Variants in CDH6 observed in about 807,000 individuals in gnomAD.
The protein encoded by CDH6 is cadherin-6.
In CDH6, 31 loss-of-function variants were observed where a neutral mutation model predicts 78.0. The observed-to-expected ratio is 0.40, with a 90% CI of 0.30 to 0.54. The LOEUF (loss-of-function observed/expected upper bound fraction) is 0.54, where lower values mean the gene tolerates loss of function less well. CDH6 is among the 20% of genes least tolerant of loss of function. The pLI, the probability that CDH6 is intolerant of heterozygous loss-of-function variation, is 0.56. For synonymous variants in CDH6, 376 were observed against 368.8 expected (o/e 1.02, Z -0.23); for missense variants, 724 against 975.9 (o/e 0.74, Z 3.44).
chr5:31,293,399 A>G (rs1737472835), intron 2 of CDH6, among the ~76,000 whole-genome samples: 5 of 152,140 alleles, frequency 3.3e-5, no homozygotes, highest in Admixed American at 3.3e-4. Context: ...TTCCCAGAAA[A>G]AAATGATTAT....
intron 2 of CDH6, among the ~76,000 whole-genome samples, chr5:31,287,022 A>G (rs550687467): frequency 6.6e-6 from 1 of 152,236 alleles, no homozygotes; most frequent in African/African-American, 2.4e-5. Flanking sequence ...TGATGAGGTC[A>G]ATATTGGATG....
At chr5:31,203,782 C>T (rs1051840761) in intron 1 of CDH6, among the ~76,000 whole-genome samples, 1 of 151,474 alleles carries the variant, frequency 6.6e-6, no homozygotes, top group African/African-American at 2.4e-5. Flanking sequence ...ATGGCTGGGT[C>T]AAATGGTATT....
At chr5:31,272,487 A>G (rs1742554837) in intron 2 of CDH6, among the ~76,000 whole-genome samples, 1 of 152,220 alleles carries the variant, frequency 6.6e-6, no homozygotes, top group African/African-American at 2.4e-5. Context: ...TTTCTTGATG[A>G]TGATTGGTAT....
At chr5:31,240,769 G>A (rs768483738) in intron 1 of CDH6, among the ~76,000 whole-genome samples, 16 of 152,170 alleles carry the variant, frequency 1.1e-4, no homozygotes, top group East Asian at 3.9e-4. Context: ...GAAAATGGGC[G>A]TGTCATGATA....
In CDH6 at chr5:31,254,349, A is replaced by C. The variant is rs898688545; in HGVS notation, c.-128-12997A>C. Among the ~76,000 whole-genome samples the C allele has an allele frequency of 4.6e-5, 7 of 152,346 alleles. No homozygotes were observed. In the South Asian group the frequency reaches 1.4e-3, roughly 32 times the overall value. ...TTCTCCACTTAATAAGGAAAGAAAA[A>C]AAATTGTATGCCGAGGTTGCTAAGA... On this transcript the variant is annotated intron_variant, in intron 1 of 11. Coordinates refer to ENST00000265071, the MANE Select transcript of CDH6 (RefSeq NM_004932.4).
At chr5:31,311,737 A>G (rs1738162233) in intron 7 of CDH6, among the ~76,000 whole-genome samples, 1 of 152,216 alleles carries the variant, frequency 6.6e-6, no homozygotes, top group South Asian at 2.1e-4. Context: ...CTTTTAAACC[A>G]TCAGATCTCA....
chr5:31,305,233 T>C lies in CDH6; in HGVS notation c.1059T>C (p.Tyr353=), dbSNP rs1737951241. 4 of 1,613,998 alleles carry C rather than the reference T, an allele frequency of 2.5e-6. No homozygotes were observed. Among genetic ancestry groups the C allele is most frequent in the Non-Finnish European group, 3.4e-6 (4 of 1,180,004 alleles). Residue 353 remains tyrosine, a synonymous_variant, in exon 7 of 12, where the codon TAT becomes TAC. Transcript: ENST00000265071. ...YTLKVEASNP[Y]VEPRFLYLGP... ...TTAAAGTGGAAGCCTCCAATCCTTA[T>C]GTTGAGCCACGATTTCTCTACTTGG...
rs1738673333 is a variant in CDH6 at position 31,328,923 on chromosome 5, ACCTTT to A, written c.*5616_*5620del. The A allele has an allele frequency of 4.5e-6, 1 of 221,196 alleles. No individual in the cohort carries two copies. Among genetic ancestry groups the A allele is most frequent in the African/African-American group, 2.2e-5 (1 of 44,634 alleles). 13.7% of individuals were successfully genotyped at this position (221,196 alleles called of 1,614,324 possible). A position where few individuals can be genotyped will look rare whatever the true frequency, so the allele number is the denominator to read the frequency against. On this transcript the variant is annotated 3_prime_UTR_variant, in exon 12 of 12. Coordinates refer to ENST00000265071, the MANE Select transcript of CDH6 (RefSeq NM_004932.4). The stretch of plus-strand genomic sequence containing the variant: ...TTAGAAGAATGGGGTCGAGAGTATT[ACCTTT>A]TAGCTCAGTGTGGCCGGGCCTTTTG...
At chr5:31,238,474 A>T (rs1320936031) in intron 1 of CDH6, among the ~76,000 whole-genome samples, 1 of 152,212 alleles carries the variant, frequency 6.6e-6, no homozygotes, top group Non-Finnish European at 1.5e-5. Context: ...TGTTCCCTTG[A>T]AAGGAGACAG....
Position 31,323,245 on chromosome 5 carries a change from G to A in CDH6, c.2310G>A (p.Trp770Ter). The A allele has an allele frequency of 6.2e-7, 1 of 1,614,134 alleles. No homozygotes were observed. The highest frequency in any genetic ancestry group is 8.5e-7 in the Non-Finnish European group (1 of 1,179,982). Residue 770 changes from tryptophan (W) to a stop codon, truncating the protein, a stop_gained, in exon 12 of 12, where the codon TGG (tryptophan) becomes TGA (stop). Transcript: ENST00000265071. LOFTEE classifies it high-confidence loss of function. ...ADQDYDYLSD[W>*]GPRFKKLADM... ...AAGACTATGATTACCTTAGTGACTG[G>A]GGACCTCGATTCAAAAAGCTTGCAG...
rs1396349779 is a variant in CDH6 at position 31,302,809 on chromosome 5, A to AAAG, written c.999+514_999+516dup. Among the ~76,000 whole-genome samples, 3 of 130,556 alleles carry AAAG rather than the reference A, an allele frequency of 2.3e-5. No homozygotes were observed. The East Asian group carries it at 6.5e-4, about 28-fold the overall frequency. The allele number at this position is 130,556 out of a possible 152,430, so 85.6% of individuals were successfully genotyped here. On this transcript the variant is annotated intron_variant, in intron 6 of 11. Coordinates refer to ENST00000265071, the MANE Select transcript of CDH6 (RefSeq NM_004932.4). ...GAGAGAGAGAGAGAGAGAAAGAAAGAAAGAAAGAAAGAAAGAAAGAAAGAA... is the reference window on the plus strand; with the variant it reads ...GAGAGAGAGAGAGAGAGAAAGAAAGAAAGAAGAAAGAAAGAAAGAAAGAAAGAA...
At chr5:31,226,987 T>C (rs1033201648) in intron 1 of CDH6, among the ~76,000 whole-genome samples, 6 of 152,168 alleles carry the variant, frequency 3.9e-5, no homozygotes, top group Non-Finnish European at 5.9e-5. Context: ...TCCAACCATA[T>C]AAGGGCAAAG....
intron 1 of CDH6, among the ~76,000 whole-genome samples, chr5:31,265,769 G>GTTTTT (rs35184792): frequency 8.3e-4 from 65 of 78,442 alleles, no homozygotes; most frequent in Admixed American, 9.8e-4. Context: ...TTAAGACAAT[G>GTTTTT]TTTTTTTTTT....
At chr5:31,233,496 CAG>C (rs1741371568) in intron 1 of CDH6, among the ~76,000 whole-genome samples, 1 of 138,274 alleles carries the variant, frequency 7.2e-6, no homozygotes, top group Non-Finnish European at 1.5e-5. Context: ...GCTGGCATGA[CAG>C]AGTGGGACTC....
At chr5:31,245,836 A>G (rs1741730367) in intron 1 of CDH6, among the ~76,000 whole-genome samples, 1 of 150,960 alleles carries the variant, frequency 6.6e-6, no homozygotes, top group Non-Finnish European at 1.5e-5. Context: ...CTAATACGCC[A>G]TAATTTCTAG....
At chr5:31,300,870 CA>C (rs1737747169) in intron 5 of CDH6, among the ~76,000 whole-genome samples, 1 of 152,154 alleles carries the variant, frequency 6.6e-6, no homozygotes, top group African/African-American at 2.4e-5. Context: ...CCTGTAATCC[CA>C]GAGCTTTGGG....
chr5:31,244,804 T>C (rs992285478), intron 1 of CDH6, among the ~76,000 whole-genome samples: 2 of 152,158 alleles, frequency 1.3e-5, no homozygotes, highest in Non-Finnish European at 1.5e-5. Flanking sequence ...GAACCATCTA[T>C]GCCTGGGGCA....
intron 2 of CDH6, among the ~76,000 whole-genome samples, chr5:31,284,128 C>T (rs1385738497): frequency 6.6e-6 from 1 of 152,144 alleles, no homozygotes; most frequent in Admixed American, 6.5e-5. Flanking sequence ...TTTTCTAGAT[C>T]CTTTTCAAGC....
In CDH6 at chr5:31,326,337, TA is replaced by T. The variant is rs549676283; in HGVS notation, c.*3036del. 5 of 215,274 alleles carry T rather than the reference TA, an allele frequency of 2.3e-5. No homozygotes were observed. The South Asian group carries it at 5.6e-4, about 24-fold the overall frequency. 13.3% of individuals were successfully genotyped at this position (215,274 alleles called of 1,614,324 possible). ...GATATTCCCTAGAATAAGCTGAATT[TA>T]AAAAAACATTAAGCCATTGTTTAAA... On this transcript the variant is annotated 3_prime_UTR_variant, in exon 12 of 12. Coordinates refer to ENST00000265071, the MANE Select transcript of CDH6 (RefSeq NM_004932.4).
Sources: gnomAD v4.1 joint callset for allele counts (sites outside exome capture counted in the v4.1 genomes callset) on GRCh38, gnomAD v4.1.1 for gene constraint, MANE v1.5 for transcripts, NCBI Gene and HGNC (gene_info 2026-07-23, HGNC 2026-07-21) for gene names.